Variants in STPG4 observed in about 807,000 individuals in gnomAD.
STPG4 encodes sperm-tail PG-rich repeat containing 4, also known as protein STPG4.
STPG4 carries 41 observed loss-of-function variants against 31.5 expected under a neutral mutation model. That is an observed-to-expected ratio of 1.30 (90% CI 1.01 to 1.69). STPG4 has a LOEUF of 1.69. Among genes scored for constraint, STPG4 ranks in the 40% most tolerant of loss-of-function variants. The pLI, the probability that STPG4 is intolerant of heterozygous loss-of-function variation, is 0.00. For synonymous variants in STPG4, 141 were observed against 103.0 expected (o/e 1.37, Z -2.24); for missense variants, 375 against 293.4 (o/e 1.28, Z -2.03).
At chr2:47,090,680 C>T (rs1160015037) in intron 5 of STPG4, among the ~76,000 whole-genome samples, 2 of 152,198 alleles carry the variant, frequency 1.3e-5, no homozygotes, top group Non-Finnish European at 2.9e-5. Context: ...ACTCAGGTCC[C>T]CCGTTCCCTC....
intron 6 of STPG4, among the ~76,000 whole-genome samples, chr2:47,088,056 GTTTT>G (rs1395189406): frequency 3.3e-5 from 5 of 151,912 alleles, no homozygotes; most frequent in Non-Finnish European, 5.9e-5. Flanking sequence ...CCCAGCCGGG[GTTTT>G]TTGTTTTTGT....
At chr2:47,133,377 G>T (rs1463962566) in intron 3 of STPG4, among the ~76,000 whole-genome samples, 1 of 151,390 alleles carries the variant, frequency 6.6e-6, no homozygotes, top group Non-Finnish European at 1.5e-5. Flanking sequence ...ATGTTGCCAG[G>T]GCTGGTCTCA....
At chr2:47,141,949 G>A (rs1686720463) in intron 3 of STPG4, among the ~76,000 whole-genome samples, 1 of 146,908 alleles carries the variant, frequency 6.8e-6, no homozygotes, top group African/African-American at 2.5e-5. Context: ...CCACTCTGAT[G>A]TTCACCATTA....
intron 5 of STPG4, among the ~76,000 whole-genome samples, chr2:47,093,580 T>C (rs973735526): frequency 6.6e-6 from 1 of 152,142 alleles, no homozygotes; most frequent in Non-Finnish European, 1.5e-5. Context: ...GACCTGCCCC[T>C]TTTCCCCAGG....
intron 5 of STPG4, among the ~76,000 whole-genome samples, chr2:47,123,352 T>C (rs1176229696): frequency 6.6e-6 from 1 of 152,318 alleles, no homozygotes; most frequent in Non-Finnish European, 1.5e-5. Context: ...TCTCTAGCGA[T>C]TTAATTAATT....
intron 4 of STPG4, 42 bp from the exon 5 acceptor site, chr2:47,130,037 AT>A: frequency 6.7e-7 from 1 of 1,499,762 alleles, no homozygotes; most frequent in Non-Finnish European, 9.2e-7. Context: ...TTCTAAATCT[AT>A]TTTTTAAAGA....
At chr2:47,098,402 G>C (rs149737201) in intron 5 of STPG4, among the ~76,000 whole-genome samples, 1 of 152,176 alleles carries the variant, frequency 6.6e-6, no homozygotes, top group Non-Finnish European at 1.5e-5. Flanking sequence ...GAGGCTCAGC[G>C]GGGTTAGAAA....
At chr2:47,092,993 A>G (rs1023575302) in intron 5 of STPG4, among the ~76,000 whole-genome samples, 8 of 152,176 alleles carry the variant, frequency 5.3e-5, no homozygotes, top group Non-Finnish European at 1.2e-4. Context: ...GGGTTTCACC[A>G]TATTGGCCAG....
rs372906073 is a variant in STPG4, at chr2:47,105,236, C to T, written c.520-14862G>A. On this transcript the variant is annotated intron_variant, in intron 5 of 6. Transcript: ENST00000445927. ...CATGGGACAACCCCACAACCGGTGG[C>T]ATACCTAAGTAAGGAAACTGATGTA... 3.6e-4 allele frequency among the ~76,000 whole-genome samples: 55 copies of T among 152,074 alleles called. 1 individual carries two copies. In the East Asian group the frequency reaches 5.8e-3, roughly 16 times the overall value.
chr2:47,093,814 G>A lies in STPG4; in HGVS notation c.520-3440C>T, dbSNP rs183299253. Among the ~76,000 whole-genome samples, 372 of 152,324 alleles carry A rather than the reference G, an allele frequency of 2.4e-3. 1 individual carries two copies. The highest frequency in any genetic ancestry group is 6.8e-3 in the Middle Eastern group (2 of 294). Reference sequence around the variant, plus strand: ...TTTAAGAGGGAGCACTGAGGAAGTGGATATAAGCCCAAGTTCATATTCCAA... The same window carrying A: ...TTTAAGAGGGAGCACTGAGGAAGTGAATATAAGCCCAAGTTCATATTCCAA... On this transcript the variant is annotated intron_variant, in intron 5 of 6. Transcript: ENST00000445927.
chr2:47,145,022 G>A (rs1354601749), intron 3 of STPG4, among the ~76,000 whole-genome samples: 1 of 152,194 alleles, frequency 6.6e-6, no homozygotes, highest in Non-Finnish European at 1.5e-5. Context: ...GAGCCACCGT[G>A]CCCAGCCACA....
chr2:47,146,809 A>G lies in STPG4; in HGVS notation c.399+4449T>C, dbSNP rs562515547. 2.2e-3 allele frequency among the ~76,000 whole-genome samples: 334 copies of G among 151,808 alleles called. 2 individuals carry two copies. Among genetic ancestry groups the G allele is most frequent in the Non-Finnish European group, 3.5e-3 (237 of 67,924 alleles). On this transcript the variant is annotated intron_variant, in intron 3 of 6. Coordinates refer to ENST00000445927, the MANE Select transcript of STPG4 (RefSeq NM_001163561.2). ...AAATGGCTGAGAAGAAAAACCAAAA[A>G]TGAGGATAGGGGAGGAAGTGTAGGA...
intron 1 of STPG4, among the ~76,000 whole-genome samples, chr2:47,153,252 C>A (rs1262602049): frequency 1.3e-5 from 2 of 151,962 alleles, no homozygotes; most frequent in East Asian, 1.9e-4. Context: ...TAATAAACAC[C>A]CCCATCTCAC....
intron 5 of STPG4, among the ~76,000 whole-genome samples, chr2:47,119,584 A>G (rs1482388174): frequency 1.3e-5 from 2 of 152,248 alleles, no homozygotes; most frequent in Admixed American, 1.3e-4. Context: ...CATGCAGTGG[A>G]GAAAAAACTT....
At chr2:47,123,443 G>A (rs745942881) in intron 5 of STPG4, among the ~76,000 whole-genome samples, 1 of 152,040 alleles carries the variant, frequency 6.6e-6, no homozygotes, top group South Asian at 2.1e-4. Flanking sequence ...ATAAGCTTAC[G>A]TTCTAGTGAG....
chr2:47,142,291 G>A (rs1413850489), intron 3 of STPG4, among the ~76,000 whole-genome samples: 1 of 151,878 alleles, frequency 6.6e-6, no homozygotes, highest in Non-Finnish European at 1.5e-5. Flanking sequence ...AAAGATACAG[G>A]GGCAGGGAGG....
chr2:47,122,971 G>A (rs548463285), intron 5 of STPG4, among the ~76,000 whole-genome samples: 6 of 152,068 alleles, frequency 3.9e-5, no homozygotes, highest in East Asian at 1.9e-4. Flanking sequence ...GATTACAGGC[G>A]CATGCCACCA....
At chr2:47,091,718 G>C (rs568405129) in intron 5 of STPG4, among the ~76,000 whole-genome samples, 19 of 152,274 alleles carry the variant, frequency 1.2e-4, no homozygotes, top group African/African-American at 4.6e-4. Flanking sequence ...AGTATTCTAA[G>C]TTGTATATGT....
At position 47,101,196 on chromosome 2, in the gene STPG4, G is replaced by A. The variant is rs187220028; in HGVS notation, c.520-10822C>T. Among the ~76,000 whole-genome samples, 682 of 151,876 alleles carry A rather than the reference G, an allele frequency of 4.5e-3. 7 individuals are homozygous for A. Among genetic ancestry groups the A allele is most frequent in the Admixed American group, 0.011 (173 of 15,266 alleles). On this transcript the variant is annotated intron_variant, in intron 5 of 6. Coordinates refer to ENST00000445927, the MANE Select transcript of STPG4 (RefSeq NM_001163561.2). ...GCTAAAAGTGACTAGTGCGGACACCGGACTAAAAACATGGGTGTCAGGCTT... is the reference window on the plus strand; with the variant it reads ...GCTAAAAGTGACTAGTGCGGACACCAGACTAAAAACATGGGTGTCAGGCTT...
Sources: allele counts gnomAD v4.1 joint callset (sites outside exome capture counted in the v4.1 genomes callset), GRCh38; gene constraint gnomAD v4.1.1; transcripts MANE v1.5; gene names NCBI Gene and HGNC (gene_info 2026-07-23, HGNC 2026-07-21).